MNAT1: variants seen among roughly 807,000 people sequenced by gnomAD.
MNAT1 encodes MNAT1 component of CDK activating kinase.
MNAT1 carries 43 observed loss-of-function variants against 42.0 expected under a neutral mutation model. That is an observed-to-expected ratio of 1.02 (90% CI 0.80 to 1.32). The LOEUF (loss-of-function observed/expected upper bound fraction) is 1.32, where lower values mean the gene tolerates loss of function less well. Ranked by LOEUF, MNAT1 falls within the 40% of genes most tolerant of loss-of-function variation. MNAT1 has a pLI of 0.00. For synonymous variants in MNAT1, 118 were observed against 120.0 expected (o/e 0.98, Z 0.11); for missense variants, 306 against 350.4 (o/e 0.87, Z 1.01).
intron 1 of MNAT1, among the ~76,000 whole-genome samples, chr14:60,751,064 C>T (rs2030069472): frequency 6.6e-6 from 1 of 150,950 alleles, no homozygotes; most frequent in South Asian, 2.1e-4. Flanking sequence ...CAGCAAACAT[C>T]TTTCTAGTTG....
chr14:60,903,981 C>T (rs1024167422), intron 7 of MNAT1, among the ~76,000 whole-genome samples: 1 of 150,820 alleles, frequency 6.6e-6, no homozygotes, highest in African/African-American at 2.4e-5. Context: ...AAGCAATTCT[C>T]CTGCCTCAGC....
intron 7 of MNAT1, among the ~76,000 whole-genome samples, chr14:60,966,751 T>C (rs879283464): frequency 1.7e-4 from 26 of 152,206 alleles, no homozygotes; most frequent in Non-Finnish European, 3.4e-4. Flanking sequence ...TGACTTCAGA[T>C]GATCCGCCCA....
At chr14:60,785,669 A>G (rs945659017) in intron 1 of MNAT1, among the ~76,000 whole-genome samples, 17 of 152,312 alleles carry the variant, frequency 1.1e-4, no homozygotes, top group African/African-American at 4.1e-4. Flanking sequence ...CATCTGCTTT[A>G]TATAGCTTAT....
At chr14:60,748,184 G>T (rs975687342) in intron 1 of MNAT1, among the ~76,000 whole-genome samples, 16 of 151,336 alleles carry the variant, frequency 1.1e-4, no homozygotes, top group East Asian at 3.9e-4. Flanking sequence ...ACAACAGAGC[G>T]AGACTCTGTC....
intron 1 of MNAT1, among the ~76,000 whole-genome samples, chr14:60,755,781 A>G (rs188863246): frequency 6.6e-6 from 1 of 152,210 alleles, no homozygotes; most frequent in East Asian, 1.9e-4. Context: ...TATACTGAAA[A>G]GACTTACCTT....
intron 7 of MNAT1, among the ~76,000 whole-genome samples, chr14:60,920,625 TAG>T (rs2035638194): frequency 6.6e-6 from 1 of 152,058 alleles, no homozygotes; most frequent in African/African-American, 2.4e-5. Flanking sequence ...GTATTTTTAG[TAG>T]AGACAGGGTT....
At chr14:60,928,220 C>G (rs889064523) in intron 7 of MNAT1, among the ~76,000 whole-genome samples, 2 of 152,112 alleles carry the variant, frequency 1.3e-5, no homozygotes, top group Admixed American at 6.5e-5. Context: ...CTGAATAATA[C>G]TCCATTGAAT....
intron 6 of MNAT1, among the ~76,000 whole-genome samples, chr14:60,826,977 A>G (rs2033074631): frequency 6.6e-6 from 1 of 152,124 alleles, no homozygotes; most frequent in Non-Finnish European, 1.5e-5. Context: ...CACATTGGTC[A>G]TCTCATAAAT....
At chr14:60,779,744 C>T (rs376294906) in intron 1 of MNAT1, among the ~76,000 whole-genome samples, 1 of 151,690 alleles carries the variant, frequency 6.6e-6, no homozygotes, top group Non-Finnish European at 1.5e-5. Context: ...CGAGATCGCA[C>T]CACTGCACTC....
intron 1 of MNAT1, chr14:60,779,938 G>T: frequency 1.5e-6 from 2 of 1,315,574 alleles, no homozygotes; most frequent in South Asian, 2.4e-5. Flanking sequence ...TAGTGAAAGC[G>T]CGTGCCTTTG....
chr14:60,808,241 G>A lies in MNAT1; in HGVS notation c.317-84G>A. The A allele has an allele frequency of 6.6e-6, 5 of 759,462 alleles. No individual in the cohort carries two copies. The South Asian group carries it at 7.9e-5, about 12-fold the overall frequency. The allele number at this position is 759,462 out of a possible 1,614,324, so 47.0% of individuals were successfully genotyped here. On this transcript the variant is annotated intron_variant, in intron 3 of 7. Coordinates refer to ENST00000261245, the MANE Select transcript of MNAT1 (RefSeq NM_002431.4). ...TAAAGAATGACAACCTAACAAATGA[G>A]TCACTGTGGTATTTGTTTTTTATTG...
At chr14:60,765,627 G>C (rs917731086) in intron 1 of MNAT1, among the ~76,000 whole-genome samples, 2 of 152,144 alleles carry the variant, frequency 1.3e-5, no homozygotes, top group African/African-American at 4.8e-5. Context: ...CACAAAACAT[G>C]TTTGGAAAAT....
intron 1 of MNAT1, among the ~76,000 whole-genome samples, chr14:60,782,592 C>A: frequency 6.6e-6 from 1 of 152,126 alleles, no homozygotes; most frequent in African/African-American, 2.4e-5. Context: ...AGTAATATTT[C>A]TAATGGCTAA....
chr14:60,857,992 G>C (rs1024336343), intron 6 of MNAT1, among the ~76,000 whole-genome samples: 3 of 152,124 alleles, frequency 2.0e-5, no homozygotes, highest in Non-Finnish European at 2.9e-5. Flanking sequence ...TGTTTGGGTT[G>C]GTTCCAAGTC....
intron 1 of MNAT1, among the ~76,000 whole-genome samples, chr14:60,790,088 G>A (rs1231877923): frequency 6.6e-6 from 1 of 152,058 alleles, no homozygotes; most frequent in Non-Finnish European, 1.5e-5. Context: ...ATTGTGCAAT[G>A]GGCAGTGTGT....
chr14:60,879,080 T>C (rs2034493312), intron 6 of MNAT1, among the ~76,000 whole-genome samples: 1 of 152,140 alleles, frequency 6.6e-6, no homozygotes, highest in South Asian at 2.1e-4. Flanking sequence ...GGTCTGCCAC[T>C]GAGGGCTTCA....
chr14:60,767,586 T>A (rs2030879428), intron 1 of MNAT1, among the ~76,000 whole-genome samples: 1 of 152,060 alleles, frequency 6.6e-6, no homozygotes, highest in Admixed American at 6.6e-5. Flanking sequence ...TTTTTTTTAA[T>A]TTAAATTTAA....
intron 6 of MNAT1, among the ~76,000 whole-genome samples, chr14:60,849,070 A>G (rs1246099831): frequency 1.3e-5 from 2 of 152,230 alleles, no homozygotes; most frequent in African/African-American, 4.8e-5. Context: ...CCCAAAAAGA[A>G]GGACAAAAAC....
chr14:60,752,100 T>TA (rs1245287475), intron 1 of MNAT1, among the ~76,000 whole-genome samples: 3 of 152,182 alleles, frequency 2.0e-5, no homozygotes, highest in South Asian at 2.1e-4. Flanking sequence ...GACATGTTTC[T>TA]AAAAAAATCA....
Sources: gnomAD v4.1 joint callset for allele counts (sites outside exome capture counted in the v4.1 genomes callset) on GRCh38, gnomAD v4.1.1 for gene constraint, MANE v1.5 for transcripts, NCBI Gene and HGNC (gene_info 2026-07-23, HGNC 2026-07-21) for gene names.